The following ASIC2 variants were observed in gnomAD, a reference collection of about 807,000 sequenced individuals.
ASIC2 encodes acid-sensing ion channel 2.
ASIC2 carries 25 observed loss-of-function variants against 57.3 expected under a neutral mutation model. The ratio of observed to expected loss-of-function variants is 0.44; its 90% CI spans 0.32 to 0.61. The LOEUF (loss-of-function observed/expected upper bound fraction) is 0.61, where lower values mean the gene tolerates loss of function less well. Among genes scored for constraint, ASIC2 ranks in the 20% least tolerant of loss-of-function variants. ASIC2 has a pLI of 0.06. For synonymous variants in ASIC2, 319 were observed against 307.5 expected, an observed-to-expected ratio of 1.04 and a Z score of -0.39; for missense variants, 641 against 738.1, an observed-to-expected ratio of 0.87 and a Z score of 1.52.
intron 1 of ASIC2, among the ~76,000 whole-genome samples, chr17:33,787,497 C>G (rs1911641469): frequency 6.6e-6 from 1 of 152,172 alleles, no homozygotes; most frequent in Non-Finnish European, 1.5e-5. Flanking sequence ...ATCCAATACA[C>G]TTATTGGGTC....
In ASIC2 at chr17:33,595,676, G is replaced by A. The variant is rs532390005; in HGVS notation, c.556-483609C>T. 3.9e-5 allele frequency among the ~76,000 whole-genome samples: 6 copies of A among 152,356 alleles called. 1 individual carries two copies. Among genetic ancestry groups the A allele is most frequent in the African/African-American group, 1.4e-4 (6 of 41,582 alleles). On this transcript the variant is annotated intron_variant, in intron 1 of 9. Coordinates refer to the ASIC2 transcript ENST00000359872. Reference sequence around the variant, plus strand: ...CAAGAGATATTGGGTAAGTTACTCAGCATCCCTGAGCTTCTGTTTCTTCAT... The same window carrying A: ...CAAGAGATATTGGGTAAGTTACTCAACATCCCTGAGCTTCTGTTTCTTCAT...
chr17:33,437,710 C>A (rs368526189), intron 1 of ASIC2, among the ~76,000 whole-genome samples: 1 of 152,092 alleles, frequency 6.6e-6, no homozygotes, highest in Non-Finnish European at 1.5e-5. Flanking sequence ...GCACAAGAAT[C>A]GCGTGAACCC....
chr17:34,008,443 A>G (rs1276873970), intron 1 of ASIC2, among the ~76,000 whole-genome samples: 1 of 152,210 alleles, frequency 6.6e-6, no homozygotes, highest in Non-Finnish European at 1.5e-5. Flanking sequence ...TCTGAATCTT[A>G]GAGTGATTCT....
At chr17:33,075,212 G>A (rs1251514123) in intron 3 of ASIC2, among the ~76,000 whole-genome samples, 1 of 152,146 alleles carries the variant, frequency 6.6e-6, no homozygotes, top group Non-Finnish European at 1.5e-5. Flanking sequence ...TTTTATAAGG[G>A]GTTTCCCCTT....
chr17:33,771,766 T>G (rs1162600791), intron 1 of ASIC2, among the ~76,000 whole-genome samples: 1 of 152,244 alleles, frequency 6.6e-6, no homozygotes, highest in Non-Finnish European at 1.5e-5. Context: ...TTTCTGGGCT[T>G]CATGTGATCT....
chr17:33,692,565 G>T (rs570318903), intron 1 of ASIC2: 1 of 152,150 alleles, frequency 6.6e-6, no homozygotes, highest in African/African-American at 2.4e-5. Flanking sequence ...AAAATGTACC[G>T]TGAAAATACA....
At chr17:33,054,155 T>C (rs780262670) in intron 3 of ASIC2, among the ~76,000 whole-genome samples, 7 of 152,190 alleles carry the variant, frequency 4.6e-5, no homozygotes, top group Admixed American at 2.6e-4. Context: ...CTTTTGGATC[T>C]TGGTGTTCAG....
intron 1 of ASIC2, among the ~76,000 whole-genome samples, chr17:33,195,344 C>T (rs562122614): frequency 3.3e-5 from 5 of 152,204 alleles, no homozygotes; most frequent in Non-Finnish European, 7.4e-5. Context: ...TTGAACAAGT[C>T]CTCTACCCGC....
chr17:33,446,727 C>T (rs1379744433), intron 1 of ASIC2, among the ~76,000 whole-genome samples: 1 of 152,070 alleles, frequency 6.6e-6, no homozygotes, highest in Non-Finnish European at 1.5e-5. Context: ...TTGCACAGAC[C>T]CAGAATGGAC....
chr17:33,661,863 A>G (rs1035596184), intron 1 of ASIC2, among the ~76,000 whole-genome samples: 1 of 152,132 alleles, frequency 6.6e-6, no homozygotes, highest in Non-Finnish European at 1.5e-5. Context: ...GGCAGAAATA[A>G]AACCACCATA....
intron 1 of ASIC2, among the ~76,000 whole-genome samples, chr17:34,112,981 G>A (rs1911321666): frequency 6.6e-6 from 1 of 152,168 alleles, no homozygotes; most frequent in Non-Finnish European, 1.5e-5. Flanking sequence ...GAGTGAGAAA[G>A]AGTGGAAGGC....
chr17:33,110,707 C>A (rs928684009), intron 2 of ASIC2, among the ~76,000 whole-genome samples: 1 of 152,180 alleles, frequency 6.6e-6, no homozygotes, highest in Admixed American at 6.5e-5. Context: ...GCTGTCTCAG[C>A]AGCCTGGTAA....
chr17:34,029,925 C>A (rs1907526612), intron 1 of ASIC2, among the ~76,000 whole-genome samples: 1 of 152,182 alleles, frequency 6.6e-6, no homozygotes, highest in African/African-American at 2.4e-5. Context: ...TTTCAAGACA[C>A]AACAGCAAAG....
Position 33,514,394 on chromosome 17 carries a change from C to G in ASIC2, c.556-402327G>C, listed in dbSNP as rs567635502. On this transcript the variant is annotated intron_variant, in intron 1 of 9. Transcript: ENST00000359872. Reference sequence around the variant, plus strand: ...CTCCCCATCCTCTCTTCCACACCCCCCTCAACCTCATCGCGGTCCTTGCCT... The same window carrying G: ...CTCCCCATCCTCTCTTCCACACCCCGCTCAACCTCATCGCGGTCCTTGCCT... 2.6e-5 allele frequency among the ~76,000 whole-genome samples: 4 copies of G among 152,240 alleles called. No homozygotes were observed. In the East Asian group the frequency reaches 5.8e-4, roughly 22 times the overall value.
At chr17:33,968,853 G>A (rs1905145045) in intron 1 of ASIC2, among the ~76,000 whole-genome samples, 1 of 152,230 alleles carries the variant, frequency 6.6e-6, no homozygotes, top group Non-Finnish European at 1.5e-5. Context: ...ACAACAGGGA[G>A]CTGGCCTGCC....
At chr17:33,252,356 C>T (rs976621115) in intron 1 of ASIC2, among the ~76,000 whole-genome samples, 6 of 152,154 alleles carry the variant, frequency 3.9e-5, no homozygotes, top group South Asian at 2.1e-4. Flanking sequence ...ATAATACAGC[C>T]GGCCCTGCTA....
chr17:33,396,644 A>G (rs1910088578), intron 1 of ASIC2, among the ~76,000 whole-genome samples: 3 of 152,150 alleles, frequency 2.0e-5, no homozygotes, highest in Admixed American at 1.3e-4. Context: ...ATAAACATCT[A>G]TGTGCCTAGG....
chr17:33,921,012 C>T (rs1224558128), intron 1 of ASIC2, among the ~76,000 whole-genome samples: 1 of 152,192 alleles, frequency 6.6e-6, no homozygotes, highest in South Asian at 2.1e-4. Context: ...ACATAGAAAG[C>T]TGTTATAGTA....
At chr17:34,050,096 T>C (rs1006629536) in intron 1 of ASIC2, among the ~76,000 whole-genome samples, 52 of 152,148 alleles carry the variant, frequency 3.4e-4, no homozygotes, top group African/African-American at 1.3e-3. Flanking sequence ...CTGATCCCCA[T>C]CCCAAAACTG....
Sources: allele counts gnomAD v4.1 joint callset (sites outside exome capture counted in the v4.1 genomes callset), GRCh38; gene constraint gnomAD v4.1.1; transcripts MANE v1.5; gene names NCBI Gene and HGNC (gene_info 2026-07-23, HGNC 2026-07-21).